The following UBE2G2 variants were observed in gnomAD, a reference collection of about 807,000 sequenced individuals.
The protein encoded by UBE2G2 is ubiquitin conjugating enzyme E2 G2.
A neutral mutation model predicts 23.0 loss-of-function variants in UBE2G2; 10 were observed. That is an observed-to-expected ratio of 0.43 (90% CI 0.27 to 0.74). The LOEUF (loss-of-function observed/expected upper bound fraction) is 0.74. UBE2G2 is among the 30% of genes least tolerant of loss of function. The pLI is 0.19. For missense variants in UBE2G2, 150 were observed against 218.3 expected (o/e 0.69, Z 1.97); for synonymous variants, 86 against 81.3 (o/e 1.06, Z -0.31).
chr21:44,799,491 G>A (rs782750700), intron 1 of UBE2G2, among the ~76,000 whole-genome samples: 27 of 152,202 alleles, frequency 1.8e-4, no homozygotes, highest in African/African-American at 5.5e-4. Context: ...CTGTTATGGA[G>A]ACAGGTTATT....
chr21:44,790,099 AT>A (rs2083031444), intron 1 of UBE2G2, among the ~76,000 whole-genome samples: 1 of 152,240 alleles, frequency 6.6e-6, no homozygotes, highest in Non-Finnish European at 1.5e-5. Context: ...AACATTGTGA[AT>A]CATAAGGGTA....
Position 44,777,802 on chromosome 21 carries a change from C to T in UBE2G2, c.126-385G>A, listed in dbSNP as rs543533224. ...AAGCCTGGGCGACAGAGCGTGACTCCGTCTCAAAAAATAAACAAAAATAAA... is the reference window on the plus strand; with the variant it reads ...AAGCCTGGGCGACAGAGCGTGACTCTGTCTCAAAAAATAAACAAAAATAAA... On this transcript the variant is annotated intron_variant, in intron 3 of 5. Coordinates refer to ENST00000345496, the MANE Select transcript of UBE2G2 (RefSeq NM_003343.6). Among the ~76,000 whole-genome samples the T allele has an allele frequency of 3.3e-5, 5 of 151,996 alleles. No individual in the cohort carries two copies. In the South Asian group the frequency reaches 1.0e-3, roughly 32 times the overall value.
intron 1 of UBE2G2, among the ~76,000 whole-genome samples, chr21:44,795,842 C>T (rs1386347013): frequency 2.0e-5 from 3 of 152,106 alleles, no homozygotes; most frequent in Non-Finnish European, 2.9e-5. Context: ...CATATATCCA[C>T]AGAAAGACAT....
intron 1 of UBE2G2, chr21:44,801,252 T>C (rs1141): frequency 0.14 from 139,091 of 967,888 alleles, 10,386 homozygotes; most frequent in Middle Eastern, 0.22. Context: ...AAAAACCCTT[T>C]TCCTTCATTA....
At chr21:44,794,654 C>G (rs1487036715) in intron 1 of UBE2G2, among the ~76,000 whole-genome samples, 1 of 151,844 alleles carries the variant, frequency 6.6e-6, no homozygotes, top group Non-Finnish European at 1.5e-5. Context: ...CCTGCCTCAG[C>G]CTCCTGAGTA....
rs528218004 is a variant in UBE2G2, at chr21:44,801,389, G to A, written c.43+317C>T. 10 of 1,171,238 alleles carry A rather than the reference G, an allele frequency of 8.5e-6. No individual in the cohort carries two copies. In the South Asian group the frequency reaches 3.4e-4, roughly 40 times the overall value. The allele number at this position is 1,171,238 out of a possible 1,614,324, so 72.6% of individuals were successfully genotyped here. A position where few individuals can be genotyped will look rare whatever the true frequency, so the allele number is the denominator to read the frequency against. ...CTTCTTCCTCAAGCTCTCACTGCACGTTCTCAAGGCTGCCAAGAAAAGAAA... is the reference window on the plus strand; with the variant it reads ...CTTCTTCCTCAAGCTCTCACTGCACATTCTCAAGGCTGCCAAGAAAAGAAA... On this transcript the variant is annotated intron_variant, in intron 1 of 5. Transcript: ENST00000345496.
rs145165217 is a variant in UBE2G2, at chr21:44,797,999, G to C, written c.43+3707C>G. On this transcript the variant is annotated intron_variant, in intron 1 of 5. Transcript: ENST00000345496. ...CAACATAGAGGGAGGTCAAGATGAA[G>C]ACAGAAAAATCAGCCAGGTGTAGGG... Among the ~76,000 whole-genome samples, 6 of 152,068 alleles carry C rather than the reference G, an allele frequency of 3.9e-5. No individual in the cohort carries two copies. In the East Asian group the frequency reaches 1.2e-3, roughly 29 times the overall value.
intron 4 of UBE2G2, among the ~76,000 whole-genome samples, chr21:44,776,268 G>T (rs1314341239): frequency 2.6e-5 from 4 of 151,850 alleles, no homozygotes; most frequent in African/African-American, 9.7e-5. Context: ...TCACTTAAAT[G>T]ACCTTATTTT....
chr21:44,773,576 A>T lies in UBE2G2; in HGVS notation c.356T>A (p.Ile119Asn). The change falls in exon 5 of 6, where the codon ATC (isoleucine) becomes AAC (asparagine). Residue 119 changes from isoleucine (I) to asparagine (N), a missense_variant. Transcript: ENST00000345496. ...RWSPVQSVEK[I>N]LLSVVSMLAE... Reference sequence around the variant, plus strand: ...CAGCATGCTCACCACCGACAGCAGGATCTTCTCCACACTCTGCACAGGACT... The same window carrying T: ...CAGCATGCTCACCACCGACAGCAGGTTCTTCTCCACACTCTGCACAGGACT... 6.2e-7 allele frequency: 1 copy of T among 1,610,754 alleles called. No individual in the cohort carries two copies. The highest frequency in any genetic ancestry group is 8.5e-7 in the Non-Finnish European group (1 of 1,179,914).
chr21:44,788,262 G>A (rs2083012878), intron 1 of UBE2G2, among the ~76,000 whole-genome samples, 167 bp from the exon 2 acceptor site: 1 of 150,688 alleles, frequency 6.6e-6, no homozygotes, highest in Non-Finnish European at 1.5e-5. Context: ...TAACGGTTCT[G>A]ATAACAACTA....
intron 4 of UBE2G2, chr21:44,774,075 C>T (rs1424819383): frequency 6.2e-6 from 1 of 160,656 alleles, no homozygotes; most frequent in Non-Finnish European, 1.4e-5. Flanking sequence ...TTAGCTATTT[C>T]TAATTCTATC....
chr21:44,790,415 A>C (rs2083033959), intron 1 of UBE2G2, among the ~76,000 whole-genome samples: 1 of 152,220 alleles, frequency 6.6e-6, no homozygotes, highest in South Asian at 2.1e-4. Flanking sequence ...CCCAAACTGG[A>C]AACAACCCAA....
chr21:44,773,856 A>G, intron 4 of UBE2G2, 169 bp from the exon 5 acceptor site: 1 of 924,510 alleles, frequency 1.1e-6, no homozygotes, highest in Non-Finnish European at 1.5e-6. Flanking sequence ...TCATGTCTGC[A>G]GGAATCCCGG....
rs2082881013 is a variant in UBE2G2 at position 44,772,401 on chromosome 21, G to C, written c.386-912C>G. On this transcript the variant is annotated intron_variant, in intron 5 of 5. Coordinates refer to ENST00000345496, the MANE Select transcript of UBE2G2 (RefSeq NM_003343.6). This position sits in a 1 kb window ranked among gnomAD's most constrained non-coding sequence, Gnocchi z 5.4. ...CCACGGCACCCAAAGGCTCTGCAGA[G>C]AATAGCTGAGTGGCCTCACTCTGGC... Among the ~76,000 whole-genome samples, 1 of 152,100 alleles carries C rather than the reference G, an allele frequency of 6.6e-6. No individual in the cohort carries two copies. Among genetic ancestry groups the C allele is most frequent in the South Asian group, 2.1e-4 (1 of 4,816 alleles).
intron 1 of UBE2G2, among the ~76,000 whole-genome samples, chr21:44,799,590 G>GGCTTTGGC: frequency 6.6e-6 from 1 of 152,218 alleles, no homozygotes; most frequent in South Asian, 2.1e-4. Context: ...AAACTGAAGA[G>GGCTTTGGC]TTAGGACCTT....
At chr21:44,799,714 G>A (rs2083120434) in intron 1 of UBE2G2, among the ~76,000 whole-genome samples, 1 of 152,184 alleles carries the variant, frequency 6.6e-6, no homozygotes, top group Non-Finnish European at 1.5e-5. Flanking sequence ...ATCATTCATT[G>A]TGTTCAACAG....
intron 1 of UBE2G2, among the ~76,000 whole-genome samples, chr21:44,795,718 A>C (rs2083083076): frequency 6.6e-6 from 1 of 151,632 alleles, no homozygotes; most frequent in African/African-American, 2.4e-5. Context: ...GGCAACGGGA[A>C]CACTTAATAC....
At position 44,768,805 on chromosome 21, in the gene UBE2G2, G is replaced by C. The variant is rs145426173; in HGVS notation, c.*2572C>G. 6.6e-6 allele frequency: 1 copy of C among 152,216 alleles called. No homozygotes were observed. The highest frequency in any genetic ancestry group is 2.4e-5 in the African/African-American group (1 of 41,440). 9.4% of individuals were successfully genotyped at this position (152,216 alleles called of 1,614,324 possible). On this transcript the variant is annotated 3_prime_UTR_variant, in exon 6 of 6. Transcript: ENST00000345496. ...GCATCTGCTGAAAAAGCTGCAAAAT[G>C]TCATTTATAGGTTAGTGAACACATC...
chr21:44,771,295 C>G lies in UBE2G2; in HGVS notation c.*82G>C. 7.5e-7 allele frequency: 1 copy of G among 1,332,850 alleles called. No homozygotes were observed. Among genetic ancestry groups the G allele is most frequent in the Non-Finnish European group, 1.1e-6 (1 of 939,872 alleles). 82.6% of individuals were successfully genotyped at this position (1,332,850 alleles called of 1,614,324 possible). ...AAGTCTGCCTTGTTTGGTACCAGCA[C>G]AGAGCATCACTGTCACTAAGTGTGC... On this transcript the variant is annotated 3_prime_UTR_variant, in exon 6 of 6. Coordinates refer to ENST00000345496, the MANE Select transcript of UBE2G2 (RefSeq NM_003343.6). This position sits in a 1 kb window ranked among gnomAD's most constrained non-coding sequence, Gnocchi z 4.6.
Sources: gnomAD v4.1 joint callset for allele counts (sites outside exome capture counted in the v4.1 genomes callset) on GRCh38, gnomAD v4.1.1 for gene constraint, Gnocchi (gnomAD v3.1) non-coding constraint, MANE v1.5 for transcripts, NCBI Gene and HGNC (gene_info 2026-07-23, HGNC 2026-07-21) for gene names.